MICAL3: variants seen among roughly 807,000 people sequenced by gnomAD.
MICAL3 encodes the protein microtubule associated monooxygenase, calponin and LIM domain containing 3.
A neutral mutation model predicts 207.4 loss-of-function variants in MICAL3; 62 were observed. That is an observed-to-expected ratio of 0.30 (90% CI 0.24 to 0.37). MICAL3 has a LOEUF of 0.37. Ranked by LOEUF, MICAL3 falls within the 10% of genes least tolerant of loss-of-function variation. The pLI, the probability that MICAL3 is intolerant of heterozygous loss-of-function variation, is 1.00. For synonymous variants in MICAL3, 1,077 were observed against 1,069.3 expected, an observed-to-expected ratio of 1.01 and a Z score of -0.14; for missense variants, 2,368 against 2,635.6, an observed-to-expected ratio of 0.90 and a Z score of 2.22.
intron 24 of MICAL3, among the ~76,000 whole-genome samples, chr22:17,821,789 CCTT>C (rs1255461193): frequency 1.3e-5 from 2 of 152,238 alleles, no homozygotes; most frequent in East Asian, 1.9e-4. Flanking sequence ...TCAGGACAAA[CCTT>C]CTACCTTCTC....
chr22:17,873,752 G>T (rs1052151855), intron 16 of MICAL3, among the ~76,000 whole-genome samples: 1 of 152,330 alleles, frequency 6.6e-6, no homozygotes, highest in East Asian at 1.9e-4. Flanking sequence ...ATCATGAGCC[G>T]CCCTGCTCAC....
chr22:17,817,998 T>C lies in MICAL3; in HGVS notation c.4663A>G (p.Lys1555Glu). 6.2e-7 allele frequency: 1 copy of C among 1,612,198 alleles called. No individual in the cohort carries two copies. The highest frequency in any genetic ancestry group is 8.5e-7 in the Non-Finnish European group (1 of 1,179,728). Residue 1555 changes from lysine (K) to glutamate (E), a missense_variant, in exon 26 of 32, where the codon AAG becomes GAG. Lys to Glu is a moderately conservative substitution (Grantham distance 56). Transcript: ENST00000441493. The stretch of plus-strand genomic sequence containing the variant: ...TTGGCCAGGGGCGGGTGGCGAGGCT[T>C]CTCGGGGCGCGGCCAGCAGGACGGG... ...TPPSCWPRPEKPRHPPLAKEN... is the reference protein window; with the variant it reads ...TPPSCWPRPEEPRHPPLAKEN...
chr22:17,839,258 A>ATTTTTTTTTTTTTTTTT (rs58568915), intron 20 of MICAL3, among the ~76,000 whole-genome samples: 1 of 110,394 alleles, frequency 9.1e-6, no homozygotes, highest in Non-Finnish European at 1.8e-5. Context: ...CGGGCTCTTC[A>ATTTTTTTTTTTTTTTTT]TTTTTTTTTT....
intron 17 of MICAL3, among the ~76,000 whole-genome samples, chr22:17,868,387 C>T (rs1482567481): frequency 6.6e-6 from 1 of 152,014 alleles, no homozygotes; most frequent in Non-Finnish European, 1.5e-5. Flanking sequence ...AACTGCTTTC[C>T]ATCTATCAAC....
intron 1 of MICAL3, among the ~76,000 whole-genome samples, chr22:17,951,113 T>C (rs1184471897): frequency 6.6e-6 from 1 of 152,116 alleles, no homozygotes; most frequent in African/African-American, 2.4e-5. Flanking sequence ...TCCTCCACTG[T>C]CTCAAAGTGG....
chr22:17,890,392 T>TTGGAAC (rs1930301965), intron 12 of MICAL3, among the ~76,000 whole-genome samples: 1 of 152,122 alleles, frequency 6.6e-6, no homozygotes, highest in Non-Finnish European at 1.5e-5. Flanking sequence ...CCTGTTCCCT[T>TTGGAAC]TGGAACAGAG....
intron 1 of MICAL3, among the ~76,000 whole-genome samples, chr22:17,936,970 T>A (rs1933563482): frequency 6.6e-6 from 1 of 152,190 alleles, no homozygotes; most frequent in Admixed American, 6.5e-5. Flanking sequence ...ACTACGCACG[T>A]GTCCCCAACC....
At chr22:17,899,275 T>C (rs1451306522) in intron 7 of MICAL3, 173 bp downstream of exon 7, 1 of 688,098 alleles carries the variant, frequency 1.5e-6, no homozygotes, top group Non-Finnish European at 2.7e-6. Context: ...CATTTGAAAT[T>C]AGCCATAGTT....
chr22:17,982,435 G>A (rs2146440798), intron 1 of MICAL3, among the ~76,000 whole-genome samples: 1 of 152,314 alleles, frequency 6.6e-6, no homozygotes, highest in Admixed American at 6.5e-5. Flanking sequence ...CCAGCACTTT[G>A]GGAGAGGTGG....
chr22:17,825,848 A>G (rs370310614), intron 22 of MICAL3, among the ~76,000 whole-genome samples: 1 of 152,146 alleles, frequency 6.6e-6, no homozygotes, highest in African/African-American at 2.4e-5. Context: ...TGAGAAACAC[A>G]CACTTCCAGA....
intron 25 of MICAL3, among the ~76,000 whole-genome samples, chr22:17,819,550 G>A (rs563611568): frequency 2.0e-4 from 31 of 152,176 alleles, no homozygotes; most frequent in African/African-American, 7.2e-4. Flanking sequence ...GGTGCATTAT[G>A]ATCAAATTGT....
intron 19 of MICAL3, chr22:17,860,572 T>G (rs1926412650): frequency 8.1e-6 from 8 of 985,352 alleles, no homozygotes; most frequent in Non-Finnish European, 9.6e-6. Flanking sequence ...AATGTTCCAG[T>G]GTCTTGCAGA....
At chr22:17,895,488 C>T in intron 9 of MICAL3, 78 bp from the exon 10 acceptor site, 1 of 1,537,368 alleles carries the variant, frequency 6.5e-7, no homozygotes, top group South Asian at 1.2e-5. Context: ...ATTGTTCTGA[C>T]AGCGCAGCAA....
intron 1 of MICAL3, among the ~76,000 whole-genome samples, chr22:18,011,463 T>C (rs1161700794): frequency 6.6e-6 from 1 of 151,990 alleles, no homozygotes; most frequent in African/African-American, 2.4e-5. Flanking sequence ...GAGAATGGCT[T>C]GAACCTCCCA....
intron 1 of MICAL3, among the ~76,000 whole-genome samples, chr22:18,002,700 G>C (rs1341048722): frequency 6.6e-6 from 1 of 152,154 alleles, no homozygotes; most frequent in Non-Finnish European, 1.5e-5. Context: ...GAGCAGGTAA[G>C]TACAACCCTC....
chr22:17,931,495 G>A (rs1432238885), intron 1 of MICAL3, among the ~76,000 whole-genome samples: 1 of 152,142 alleles, frequency 6.6e-6, no homozygotes, highest in Non-Finnish European at 1.5e-5. Flanking sequence ...CCAGGACCAG[G>A]GTTGTGTGCT....
In MICAL3 at chr22:17,821,018, A is replaced by G. The variant is rs1418039195; in HGVS notation, c.3531+409T>C. 7.7e-5 allele frequency among the ~76,000 whole-genome samples: 10 copies of G among 129,698 alleles called. 1 individual carries two copies. Among genetic ancestry groups the G allele is most frequent in the African/African-American group, 8.1e-5 (3 of 37,244 alleles). 85.1% of individuals were successfully genotyped at this position (129,698 alleles called of 152,430 possible). ...TAAATTTATATTTATAAACAATTTT[A>G]ATACACCTATGTTTATTATACATTT... On this transcript the variant is annotated intron_variant, in intron 25 of 31. Transcript: ENST00000441493.
At chr22:17,990,327 C>A (rs904065201) in intron 1 of MICAL3, among the ~76,000 whole-genome samples, 26 of 152,216 alleles carry the variant, frequency 1.7e-4, no homozygotes, top group African/African-American at 5.8e-4. Context: ...ACTGGATAGT[C>A]TGGACCCAGC....
In MICAL3 at chr22:17,943,394, C is replaced by G. The variant is rs547399655; in HGVS notation, c.-74-36508G>C. Among the ~76,000 whole-genome samples, 113 of 152,296 alleles carry G rather than the reference C, an allele frequency of 7.4e-4. 1 individual carries two copies. The highest frequency in any genetic ancestry group is 2.6e-3 in the African/African-American group (107 of 41,568). On this transcript the variant is annotated intron_variant, in intron 1 of 31. Transcript: ENST00000441493. ...GGCCAGGCTGGCCTCGAACTCCTGA[C>G]CTCAGGTGATCCACCCACCTCAGCC...
Sources: gnomAD v4.1 joint callset for allele counts (sites outside exome capture counted in the v4.1 genomes callset) on GRCh38, gnomAD v4.1.1 for gene constraint, MANE v1.5 for transcripts, NCBI Gene and HGNC (gene_info 2026-07-23, HGNC 2026-07-21) for gene names.